Variants in AMZ1 observed in about 807,000 individuals in gnomAD.
The protein encoded by AMZ1 is archaemetzincin-1.
A neutral mutation model predicts 29.9 loss-of-function variants in AMZ1; 39 were observed. The observed-to-expected ratio is 1.30, with a 90% confidence interval of 1.01 to 1.70. The LOEUF (loss-of-function observed/expected upper bound fraction) is 1.70. Among genes scored for constraint, AMZ1 ranks in the 40% most tolerant of loss-of-function variants. The pLI, the probability that AMZ1 is intolerant of heterozygous loss-of-function variation, is 0.00. For missense variants in AMZ1, 1,041 were observed against 680.6 expected (o/e 1.53, Z -5.89); for synonymous variants, 458 against 304.0 (o/e 1.51, Z -5.27).
chr7:2,750,685 C>T (rs1209638622), intron 4 of AMZ1, among the ~76,000 whole-genome samples: 1 of 152,188 alleles, frequency 6.6e-6, no homozygotes, highest in Non-Finnish European at 1.5e-5. Context: ...GAAGGTGAAG[C>T]CACGGACACG....
chr7:2,723,810 CT>C (rs2115251000), downstream of AMZ1, among the ~76,000 whole-genome samples: 1 of 152,348 alleles, frequency 6.6e-6, no homozygotes, highest in Non-Finnish European at 1.5e-5. Flanking sequence ...AGCCCCGGAG[CT>C]GGGCCTGGAG....
At chr7:2,694,675 TATTTA>T (rs1190978350) in intron 1 of AMZ1, among the ~76,000 whole-genome samples, 3 of 91,302 alleles carry the variant, frequency 3.3e-5, no homozygotes, top group Admixed American at 1.2e-4. Context: ...ATATATATTT[TATTTA>T]TTTTTTTTTT....
intron 6 of AMZ1, among the ~76,000 whole-genome samples, chr7:2,712,119 T>C (rs1485213037): frequency 2.0e-5 from 3 of 152,098 alleles, no homozygotes; most frequent in African/African-American, 7.2e-5. Flanking sequence ...AATGGTGAGC[T>C]CTTGGGGGTG....
Position 2,743,857 on chromosome 7 carries a change from G to A in AMZ1, n.551-20855G>A, listed in dbSNP as rs115757943. 9.5e-3 allele frequency among the ~76,000 whole-genome samples: 1,448 copies of A among 152,070 alleles called. 17 individuals carry two copies. Among genetic ancestry groups the A allele is most frequent in the African/African-American group, 0.033 (1,355 of 41,466 alleles). ...CACTTTCCCAACAGGCTTAAAAAAC[G>A]GCACACCAGATTACATCCCGCACCT... On this transcript the variant is annotated intron_variant and non_coding_transcript_variant, in intron 4 of 4. Coordinates refer to the AMZ1 transcript ENST00000489665.
rs1268637550 is a variant in AMZ1, at chr7:2,751,245, G to A, written n.551-13467G>A. Reference sequence around the variant, plus strand: ...CAAAAAAAACCCCAAAGTTAGCCGAGTATGTTGGCACATGCTTGTAGTCCC... The same window carrying A: ...CAAAAAAAACCCCAAAGTTAGCCGAATATGTTGGCACATGCTTGTAGTCCC... On this transcript the variant is annotated intron_variant and non_coding_transcript_variant, in intron 4 of 4. Coordinates refer to the AMZ1 transcript ENST00000489665. Among the ~76,000 whole-genome samples the A allele has an allele frequency of 2.0e-5, 3 of 152,054 alleles. No homozygotes were observed. The East Asian group carries it at 5.8e-4, about 29-fold the overall frequency.
chr7:2,762,836 G>A (rs1416873901), upstream of AMZ1: 1 of 1,494,930 alleles, frequency 6.7e-7, no homozygotes, highest in Admixed American at 2.3e-5. Flanking sequence ...CACCCAGTCA[G>A]CGCGGCTCCG....
chr7:2,709,044 T>C, intron 4 of AMZ1, 31 bp from the exon 5 acceptor site: 1 of 1,538,070 alleles, frequency 6.5e-7, no homozygotes, highest in South Asian at 1.3e-5. Flanking sequence ...GGCTGACCCC[T>C]GAGAGTGCCC....
At chr7:2,761,549 A>T (rs1177273694), upstream of AMZ1, among the ~76,000 whole-genome samples, 3 of 152,262 alleles carry the variant, frequency 2.0e-5, no homozygotes, top group Non-Finnish European at 2.9e-5. Flanking sequence ...ATCGCCCTCC[A>T]GAATTGTCAC....
At chr7:2,721,038 A>C (rs1330153866), downstream of AMZ1, among the ~76,000 whole-genome samples, 1 of 152,214 alleles carries the variant, frequency 6.6e-6, no homozygotes, top group Non-Finnish European at 1.5e-5. Flanking sequence ...GCGGGCTGTC[A>C]TCGCTGGCTG....
chr7:2,712,835 G>GA lies in AMZ1; in HGVS notation c.1455dup (p.Ala486SerfsTer62). On this transcript the variant is annotated frameshift_variant, in exon 7 of 7. Transcript: ENST00000683327. LOFTEE classifies it low-confidence loss of function (END_TRUNC). The stretch of plus-strand genomic sequence containing the variant: ...AAGCTGAGTGCCCGAAAACTCGCCA[G>GA]AGCAGAGTCGGCCCCCCGTCCCTGG... 6.5e-7 allele frequency: 1 copy of GA among 1,531,110 alleles called. No individual in the cohort carries two copies. The highest frequency in any genetic ancestry group is 1.3e-5 in the South Asian group (1 of 77,588). The allele number at this position is 1,531,110 out of a possible 1,614,324, so 94.8% of individuals were successfully genotyped here. A position where few individuals can be genotyped will look rare whatever the true frequency, so the allele number is the denominator to read the frequency against.
rs1404481597 is a variant in AMZ1, at chr7:2,748,313, C to T, written n.551-16399C>T. Among the ~76,000 whole-genome samples, 7 of 152,220 alleles carry T rather than the reference C, an allele frequency of 4.6e-5. No individual in the cohort carries two copies. In the East Asian group the frequency reaches 5.8e-4, roughly 13 times the overall value. On this transcript the variant is annotated intron_variant and non_coding_transcript_variant, in intron 4 of 4. Coordinates refer to the AMZ1 transcript ENST00000489665. ...CATGGTACTGGTACCAAAACAGACA[C>T]ATAGACCAATGGAACAGAACAGAGC...
At chr7:2,696,361 A>C (rs1437815671) in intron 1 of AMZ1, among the ~76,000 whole-genome samples, 1 of 146,126 alleles carries the variant, frequency 6.8e-6, no homozygotes, top group Admixed American at 7.0e-5. Flanking sequence ...GGTTCACGCC[A>C]TTCTCCTGCC....
rs911800977 is a variant in AMZ1, at chr7:2,708,610, G to C, written c.495G>C (p.Lys165Asn). 8 of 1,612,766 alleles carry C rather than the reference G, an allele frequency of 5.0e-6. No homozygotes were observed. Among genetic ancestry groups the C allele is most frequent in the East Asian group, 4.5e-5 (2 of 44,888 alleles). Residue 165 changes from lysine (K) to asparagine (N), a missense_variant, in exon 4 of 7, where the codon AAG (lysine) becomes AAC (asparagine). Coordinates refer to ENST00000683327, the MANE Select transcript of AMZ1 (RefSeq NM_001384743.1). Reference protein sequence around the residue: ...LHTDGILSFLKNNKPGDALCV... With the variant: ...LHTDGILSFLNNNKPGDALCV... ...CAGACGGCATCCTGTCCTTCTTGAA[G>C]AACAACAAGCCAGGGGACGCGCTGT...
chr7:2,693,361 G>C lies in AMZ1; in HGVS notation c.-219+5065G>C, dbSNP rs571488217. Among the ~76,000 whole-genome samples, 34 of 152,068 alleles carry C rather than the reference G, an allele frequency of 2.2e-4. 1 individual carries two copies. The highest frequency in any genetic ancestry group is 8.2e-4 in the African/African-American group (34 of 41,458). ...CTCCCAAGGTGCTGGGATTACAGGT[G>C]TGAGCCACCGTGCCTGGTTGGTGGG... On this transcript the variant is annotated intron_variant, in intron 1 of 6. Transcript: ENST00000683327.
intron 4 of AMZ1, among the ~76,000 whole-genome samples, chr7:2,748,560 G>T (rs879381535): frequency 3.2e-4 from 49 of 152,128 alleles, no homozygotes; most frequent in African/African-American, 1.1e-3. Flanking sequence ...AAAAACCCTA[G>T]AAGAAAACCT....
intron 4 of AMZ1, among the ~76,000 whole-genome samples, chr7:2,744,729 G>A (rs1314489170): frequency 2.0e-5 from 3 of 152,164 alleles, no homozygotes; most frequent in Admixed American, 2.0e-4. Flanking sequence ...CTGAGCTACA[G>A]GAGGAAGTTC....
At position 2,713,280 on chromosome 7, in the gene AMZ1, G is replaced by C. The variant is rs955437064; in HGVS notation, c.*402G>C. On this transcript the variant is annotated 3_prime_UTR_variant, in exon 7 of 7. Transcript: ENST00000683327. ...TCTTTGGAGAAGCCACAGACCACCTGTCTTCAGGCGCCTCCTTCAACTCCT... is the reference window on the plus strand; with the variant it reads ...TCTTTGGAGAAGCCACAGACCACCTCTCTTCAGGCGCCTCCTTCAACTCCT... 6.4e-6 allele frequency: 1 copy of C among 155,104 alleles called. No individual in the cohort carries two copies. Among genetic ancestry groups the C allele is most frequent in the African/African-American group, 2.4e-5 (1 of 41,530 alleles). 9.6% of individuals were successfully genotyped at this position (155,104 alleles called of 1,614,324 possible). A position where few individuals can be genotyped will look rare whatever the true frequency, so the allele number is the denominator to read the frequency against.
chr7:2,703,917 C>T (rs570134591), intron 3 of AMZ1, among the ~76,000 whole-genome samples: 1 of 152,198 alleles, frequency 6.6e-6, no homozygotes, highest in Admixed American at 6.5e-5. Flanking sequence ...GAGACAGAAT[C>T]TTGCTCTGTC....
chr7:2,714,141 C>G lies in AMZ1; in HGVS notation c.*1263C>G, dbSNP rs546639485. ...GGAGGGTCTCTGGGAGAGAGACTTC[C>G]GGTTCTGACAGCGGAATCCCTTCGG... is the stretch of plus-strand genomic sequence containing the variant. On this transcript the variant is annotated 3_prime_UTR_variant, in exon 7 of 7. Coordinates refer to ENST00000683327, the MANE Select transcript of AMZ1 (RefSeq NM_001384743.1). 1 of 152,260 alleles carries G rather than the reference C, an allele frequency of 6.6e-6. No homozygotes were observed. Among genetic ancestry groups the G allele is most frequent in the African/African-American group, 2.4e-5 (1 of 41,414 alleles). 9.4% of individuals were successfully genotyped at this position (152,260 alleles called of 1,614,324 possible).
Sources: gnomAD v4.1 joint callset for allele counts (sites outside exome capture counted in the v4.1 genomes callset) on GRCh38, gnomAD v4.1.1 for gene constraint, MANE v1.5 for transcripts, NCBI Gene and HGNC (gene_info 2026-07-23, HGNC 2026-07-21) for gene names.